TXNDC12: variants seen among roughly 807,000 people sequenced by gnomAD.
TXNDC12 encodes thioredoxin domain-containing protein 12.
In TXNDC12, 22 loss-of-function variants were observed where a neutral mutation model predicts 24.2. The observed-to-expected ratio is 0.91, with a 90% CI of 0.65 to 1.30. The LOEUF is 1.30. Among genes scored for constraint, TXNDC12 ranks in the 50% most tolerant of loss-of-function variants. The probability of loss-of-function intolerance (pLI) is 0.00; values close to 1 mark genes in which losing one functional copy is unlikely to be tolerated. For synonymous variants in TXNDC12, 58 were observed against 73.4 expected (o/e 0.79, Z 1.07); for missense variants, 184 against 205.8 (o/e 0.89, Z 0.65).
chr1:52,027,278 A>C lies in TXNDC12; in HGVS notation c.282T>G (p.Leu94=), dbSNP rs757597230. The stretch of plus-strand genomic sequence containing the variant: ...GGAGAAACTCTCAAAGTCTTACCTC[A>C]AGATTTACCATAACAAAATTATGGG... ...ELSHNFVMVN[L]EDEEEPKDED... The change falls in exon 4 of 7, where the codon CTT becomes CTG. Residue 94 remains leucine, a synonymous_variant. Transcript: ENST00000371626. 2 of 1,610,176 alleles carry C rather than the reference A, an allele frequency of 1.2e-6. No individual in the cohort carries two copies. The highest frequency in any genetic ancestry group is 1.7e-6 in the Non-Finnish European group (2 of 1,176,856).
In TXNDC12 at chr1:52,046,989, G is replaced by C. The variant is rs1686108330; in HGVS notation, c.98-5392C>G. On this transcript the variant is annotated intron_variant, in intron 1 of 6. Transcript: ENST00000371626. The stretch of plus-strand genomic sequence containing the variant: ...ACTTGGGAGGCGAAGGTTGCAGTAA[G>C]CCAAGATCATGCCACTGCACTCCAG... 2.0e-5 allele frequency among the ~76,000 whole-genome samples: 3 copies of C among 151,650 alleles called. No individual in the cohort carries two copies. In the South Asian group the frequency reaches 6.2e-4, roughly 31 times the overall value.
At position 52,027,341 on chromosome 1, in the gene TXNDC12, C is replaced by T; in HGVS notation, c.219G>A (p.Lys73=). The T allele has an allele frequency of 6.2e-7, 1 of 1,612,668 alleles. No homozygotes were observed. Among genetic ancestry groups the T allele is most frequent in the South Asian group, 1.1e-5 (1 of 91,002 alleles). ...TTTCCGTAGATTCTGCAAATTTGGG[C>T]TTTAGAGCTGGGGGGAAAAAGATTT... is the stretch of plus-strand genomic sequence containing the variant. The part of the protein sequence containing the change: ...KSWCGACKAL[K]PKFAESTEIS... Residue 73 remains lysine (K), a synonymous_variant, in exon 4 of 7, where the codon AAG becomes AAA. Transcript: ENST00000371626.
At position 52,033,545 on chromosome 1, in the gene TXNDC12, G is replaced by T. The variant is rs141443103; in HGVS notation, c.159-4915C>A. The T allele has an allele frequency of 1.5e-4, 241 of 1,613,934 alleles. No homozygotes were observed. The African/African-American group carries it at 2.7e-3, about 18-fold the overall frequency. ...AGCGAGTCCAGGATGACCACGTCGTGGCGACTCAGGCGCCGTTCCACGGAG... is the reference window on the plus strand; with the variant it reads ...AGCGAGTCCAGGATGACCACGTCGTTGCGACTCAGGCGCCGTTCCACGGAG... On this transcript the variant is annotated intron_variant, in intron 2 of 6. Coordinates refer to ENST00000371626, the MANE Select transcript of TXNDC12 (RefSeq NM_015913.4).
At chr1:52,029,002 C>T (rs779234707) in intron 2 of TXNDC12, among the ~76,000 whole-genome samples, 35 of 152,100 alleles carry the variant, frequency 2.3e-4, no homozygotes, top group Non-Finnish European at 4.3e-4. Flanking sequence ...GTGGCACGTG[C>T]CTGTAGTCCC....
chr1:52,041,514 T>G (rs1402193504), intron 2 of TXNDC12, 23 bp downstream of exon 2: 1 of 1,576,132 alleles, frequency 6.3e-7, no homozygotes. Context: ...CCACCATAAA[T>G]GACCTAAAAC....
At chr1:52,045,988 G>A (rs183769086) in intron 1 of TXNDC12, among the ~76,000 whole-genome samples, 70 of 152,040 alleles carry the variant, frequency 4.6e-4, no homozygotes, top group African/African-American at 1.5e-3. Flanking sequence ...CGAGGTGAGA[G>A]GATCATTTGA....
At chr1:52,034,594 CTTTAA>C (rs1046527502) in intron 2 of TXNDC12, among the ~76,000 whole-genome samples, 3 of 151,938 alleles carry the variant, frequency 2.0e-5, no homozygotes, top group African/African-American at 4.8e-5. Context: ...AACTGGGCAT[CTTTAA>C]TTTATTATTA....
intron 2 of TXNDC12, among the ~76,000 whole-genome samples, chr1:52,037,276 G>A (rs1398339644): frequency 1.4e-5 from 2 of 144,330 alleles, no homozygotes; most frequent in East Asian, 2.1e-4. Context: ...GCAATGGCAC[G>A]ATCTCAGCTC....
chr1:52,027,410 G>C, intron 3 of TXNDC12, 62 bp from the exon 4 acceptor site: 5 of 1,212,002 alleles, frequency 4.1e-6, no homozygotes, highest in Non-Finnish European at 6.1e-6. Flanking sequence ...AAACCTTAAC[G>C]AACATAAGCA....
intron 2 of TXNDC12, among the ~76,000 whole-genome samples, chr1:52,039,288 T>C (rs1188840695): frequency 6.6e-6 from 1 of 152,068 alleles, no homozygotes; most frequent in Non-Finnish European, 1.5e-5. Context: ...GTTTATGATA[T>C]TGTACTAAAT....
chr1:52,055,350 C>T (rs1289692619), upstream of TXNDC12: 5 of 449,814 alleles, frequency 1.1e-5, no homozygotes, highest in Admixed American at 3.5e-5. Context: ...AGTTGCTTTT[C>T]GTGGATTCTG....
chr1:52,020,660 G>T lies in TXNDC12; in HGVS notation c.*273C>A, dbSNP rs957820943. On this transcript the variant is annotated 3_prime_UTR_variant, in exon 7 of 7. Transcript: ENST00000371626. ...AACATCCAAGTGGCTCAAGTTTTGT[G>T]TCAGAAGGTTTCATTCTTTACATTC... 2 of 424,598 alleles carry T rather than the reference G, an allele frequency of 4.7e-6. No homozygotes were observed. The highest frequency in any genetic ancestry group is 4.7e-5 in the South Asian group (1 of 21,310). The allele number at this position is 424,598 out of a possible 1,614,324, so 26.3% of individuals were successfully genotyped here.
chr1:52,034,743 G>C lies in TXNDC12; in HGVS notation c.159-6113C>G, dbSNP rs76182540. The stretch of plus-strand genomic sequence containing the variant: ...ACAGGTGTGTGAGCCAAGGTGCCTG[G>C]CCTGCATCCTTTATTTTATTTTATT... On this transcript the variant is annotated intron_variant, in intron 2 of 6. Coordinates refer to ENST00000371626, the MANE Select transcript of TXNDC12 (RefSeq NM_015913.4). Among the ~76,000 whole-genome samples, 1,534 of 151,816 alleles carry C rather than the reference G, an allele frequency of 0.01. 80 individuals carry two copies. In the East Asian group the frequency reaches 0.13, roughly 13 times the overall value.
At chr1:52,038,957 A>C (rs1015072671) in intron 2 of TXNDC12, among the ~76,000 whole-genome samples, 6 of 148,102 alleles carry the variant, frequency 4.1e-5, no homozygotes, top group African/African-American at 1.5e-4. Flanking sequence ...TCTTTAAAAA[A>C]ATTTTTTTTT....
rs369044643 is a variant in TXNDC12, at chr1:52,023,581, T to C, written c.356-7A>G. ...TGCACCTTGCCACTGGGATCTGTTA[T>C]AGACAAAATGACACAGAGTTTTGCA... On this transcript the variant is annotated splice_polypyrimidine_tract_variant and splice_region_variant and intron_variant, in intron 5 of 6. Transcript: ENST00000371626. The C allele has an allele frequency of 3.7e-6, 6 of 1,610,628 alleles. No homozygotes were observed. The African/African-American group carries it at 8.0e-5, about 22-fold the overall frequency.
Position 52,023,549 on chromosome 1 carries a change from T to A in TXNDC12, c.381A>T (p.Glu127Asp). The change falls in exon 6 of 7, where the codon GAA (glutamate) becomes GAT (aspartate). Residue 127 changes from glutamate to aspartate, a missense_variant. By Grantham distance (45) the Glu-to-Asp change is conservative. Transcript: ENST00000371626. ...FLDPSGKVHP[E>D]IINENGNPSY... The stretch of plus-strand genomic sequence containing the variant: ...TGGGGTTTCCATTCTCATTGATGAT[T>A]TCAGGATGCACCTTGCCACTGGGAT... 1 of 1,614,054 alleles carries A rather than the reference T, an allele frequency of 6.2e-7. No individual in the cohort carries two copies. The highest frequency in any genetic ancestry group is 8.5e-7 in the Non-Finnish European group (1 of 1,179,950).
In TXNDC12 at chr1:52,025,146, A is replaced by G. The variant is rs765387288; in HGVS notation, c.286-567T>C. Among the ~76,000 whole-genome samples, 27 of 152,362 alleles carry G rather than the reference A, an allele frequency of 1.8e-4. No homozygotes were observed. The Middle Eastern group carries it at 0.01, about 58-fold the overall frequency. The stretch of plus-strand genomic sequence containing the variant: ...TAGTATTTCTTTAGTGCATGAATCA[A>G]TAAGACTGGCATTTTAGTCAAAGTT... On this transcript the variant is annotated intron_variant, in intron 4 of 6. Transcript: ENST00000371626.
At chr1:52,053,005 A>G (rs1686246057) in intron 1 of TXNDC12, among the ~76,000 whole-genome samples, 1 of 151,924 alleles carries the variant, frequency 6.6e-6, no homozygotes, top group Non-Finnish European at 1.5e-5. Flanking sequence ...ATACTTTGGG[A>G]GGCCAAGGAG....
At chr1:52,022,239 C>T (rs1380043967) in intron 6 of TXNDC12, among the ~76,000 whole-genome samples, 3 of 152,132 alleles carry the variant, frequency 2.0e-5, no homozygotes, top group Admixed American at 1.3e-4. Flanking sequence ...GGACACATGG[C>T]AACTTAGCAC....
Sources: allele counts gnomAD v4.1 joint callset (sites outside exome capture counted in the v4.1 genomes callset), GRCh38; gene constraint gnomAD v4.1.1; transcripts MANE v1.5; gene names NCBI Gene and HGNC (gene_info 2026-07-23, HGNC 2026-07-21).